The following PID1 variants were observed in gnomAD, a reference collection of about 807,000 sequenced individuals.
PID1 encodes the protein PTB-containing, cubilin and LRP1-interacting protein.
In PID1, 10 loss-of-function variants were observed where a neutral mutation model predicts 19.1. The ratio of observed to expected loss-of-function variants is 0.52; its 90% confidence interval spans 0.32 to 0.89. The LOEUF (loss-of-function observed/expected upper bound fraction) is 0.89, where lower values mean the gene tolerates loss of function less well. Among genes scored for constraint, PID1 ranks in the 40% least tolerant of loss-of-function variants. The pLI, the probability that PID1 is intolerant of heterozygous loss-of-function variation, is 0.03. For missense variants in PID1, 248 were observed against 285.3 expected (o/e 0.87, Z 0.94); for synonymous variants, 130 against 116.0 (o/e 1.12, Z -0.78).
intron 2 of PID1, among the ~76,000 whole-genome samples, chr2:229,104,806 T>C (rs540701973): frequency 1.3e-4 from 20 of 152,288 alleles, no homozygotes; most frequent in African/African-American, 4.3e-4. Context: ...AAGGATGGAA[T>C]GAAAAGAAAT....
At chr2:229,093,981 A>G (rs1694925987) in intron 2 of PID1, among the ~76,000 whole-genome samples, 1 of 152,190 alleles carries the variant, frequency 6.6e-6, no homozygotes, top group African/African-American at 2.4e-5. Context: ...GAAAGAAATA[A>G]AAGGCATCAA....
intron 2 of PID1, among the ~76,000 whole-genome samples, chr2:229,138,227 C>T (rs1689895736): frequency 6.6e-6 from 1 of 152,160 alleles, no homozygotes; most frequent in African/African-American, 2.4e-5. Context: ...AAGAAAACAG[C>T]AGTGATACTC....
At chr2:229,224,030 G>C (rs1473436752) in intron 1 of PID1, among the ~76,000 whole-genome samples, 3 of 152,042 alleles carry the variant, frequency 2.0e-5, no homozygotes, top group African/African-American at 7.2e-5. Flanking sequence ...GATAACATGT[G>C]GTATTTGATT....
At position 229,196,836 on chromosome 2, in the gene PID1, T is replaced by C. The variant is rs188343914; in HGVS notation, c.31-40872A>G. Reference sequence around the variant, plus strand: ...TTTTGTAAGGATTAGAAAGAACGTATGTTACATGCATTTCCTAGGGCAGAC... The same window carrying C: ...TTTTGTAAGGATTAGAAAGAACGTACGTTACATGCATTTCCTAGGGCAGAC... On this transcript the variant is annotated intron_variant, in intron 1 of 2. Coordinates refer to ENST00000392055, the MANE Select transcript of PID1 (RefSeq NM_001100818.2). 4.6e-5 allele frequency among the ~76,000 whole-genome samples: 7 copies of C among 152,246 alleles called. No individual in the cohort carries two copies. In the East Asian group the frequency reaches 1.2e-3, roughly 25 times the overall value.
intron 1 of PID1, among the ~76,000 whole-genome samples, chr2:229,158,326 C>T (rs752387851): frequency 3.3e-5 from 5 of 152,114 alleles, no homozygotes; most frequent in Non-Finnish European, 7.4e-5. Flanking sequence ...GTTGTGTAGC[C>T]AGTTTGCACA....
intron 2 of PID1, among the ~76,000 whole-genome samples, chr2:229,027,084 G>C (rs1693439505): frequency 6.6e-6 from 1 of 152,142 alleles, no homozygotes; most frequent in Non-Finnish European, 1.5e-5. Context: ...AATGCGAGGA[G>C]AGAAAGACCA....
rs188208252 is a variant in PID1, at chr2:229,258,443, G to A, written c.30+12571C>T. ...TTCTGGGTTAGAATTTTTATTTCCA[G>A]TAAAAAGGAAATGAAAAATTCTCAG... On this transcript the variant is annotated intron_variant, in intron 1 of 2. Coordinates refer to ENST00000392055, the MANE Select transcript of PID1 (RefSeq NM_001100818.2). Among the ~76,000 whole-genome samples the A allele has an allele frequency of 9.5e-4, 145 of 152,272 alleles. 4 individuals carry two copies. The highest frequency in any genetic ancestry group is 9.3e-3 in the Admixed American group (142 of 15,286).
At chr2:229,178,038 C>G (rs1192687115) in intron 1 of PID1, among the ~76,000 whole-genome samples, 2 of 152,142 alleles carry the variant, frequency 1.3e-5, no homozygotes, top group African/African-American at 4.8e-5. Context: ...CAGCAGCTTA[C>G]AGGCCCAAGT....
chr2:229,270,672 G>T (rs905375869), intron 1 of PID1, among the ~76,000 whole-genome samples: 2 of 142,904 alleles, frequency 1.4e-5, no homozygotes, highest in African/African-American at 2.6e-5. Context: ...AAAAAAATCT[G>T]GCTTCAAAAA....
intron 2 of PID1, among the ~76,000 whole-genome samples, chr2:229,108,670 T>C (rs186337585): frequency 2.6e-5 from 4 of 152,236 alleles, no homozygotes; most frequent in Non-Finnish European, 5.9e-5. Context: ...TGTGAAAGAA[T>C]CTGGGACTCT....
chr2:229,048,158 G>T (rs1574583736), intron 2 of PID1, among the ~76,000 whole-genome samples: 1 of 152,152 alleles, frequency 6.6e-6, no homozygotes, highest in Admixed American at 6.6e-5. Flanking sequence ...CAACAGCATG[G>T]TATAGGATCT....
At chr2:229,171,791 C>T (rs78715650) in intron 1 of PID1, among the ~76,000 whole-genome samples, 79 of 152,310 alleles carry the variant, frequency 5.2e-4, no homozygotes, top group African/African-American at 1.9e-3. Flanking sequence ...CTAAGCCATA[C>T]TGTTCACATC....
chr2:229,079,578 T>C (rs1437580269), intron 2 of PID1, among the ~76,000 whole-genome samples: 1 of 152,194 alleles, frequency 6.6e-6, no homozygotes, highest in Non-Finnish European at 1.5e-5. Flanking sequence ...CACTATTAAG[T>C]GTCTATGGCA....
intron 1 of PID1, among the ~76,000 whole-genome samples, chr2:229,267,473 A>G (rs1371729039): frequency 2.6e-5 from 4 of 152,212 alleles, no homozygotes; most frequent in Non-Finnish European, 5.9e-5. Context: ...GGTTACATGT[A>G]AACTTCACAA....
At chr2:229,100,617 T>C (rs577524650) in intron 2 of PID1, among the ~76,000 whole-genome samples, 1 of 152,198 alleles carries the variant, frequency 6.6e-6, no homozygotes, top group African/African-American at 2.4e-5. Context: ...ACTACTTCAA[T>C]AGAATATAGA....
chr2:229,230,563 A>G (rs1692183717), intron 1 of PID1, among the ~76,000 whole-genome samples: 1 of 152,168 alleles, frequency 6.6e-6, no homozygotes, highest in Non-Finnish European at 1.5e-5. Context: ...CTGCTTTGTC[A>G]GCTATAGGAT....
intron 1 of PID1, among the ~76,000 whole-genome samples, chr2:229,255,664 A>C (rs1040720740): frequency 9.2e-5 from 14 of 152,226 alleles, no homozygotes; most frequent in Non-Finnish European, 1.6e-4. Flanking sequence ...ATCCAATATC[A>C]TAACAATGAG....
intron 1 of PID1, among the ~76,000 whole-genome samples, chr2:229,212,849 C>A (rs2106250898): frequency 6.6e-6 from 1 of 152,218 alleles, no homozygotes; most frequent in South Asian, 2.1e-4. Context: ...CTCCCACCCC[C>A]AGATTCCAGC....
chr2:229,182,278 G>C (rs1414042779), intron 1 of PID1, among the ~76,000 whole-genome samples: 1 of 152,134 alleles, frequency 6.6e-6, no homozygotes, highest in Non-Finnish European at 1.5e-5. Flanking sequence ...TCTGGTGAGA[G>C]ACATTGATCA....
Sources: gnomAD v4.1 joint callset for allele counts (sites outside exome capture counted in the v4.1 genomes callset) on GRCh38, gnomAD v4.1.1 for gene constraint, MANE v1.5 for transcripts, NCBI Gene and HGNC (gene_info 2026-07-23, HGNC 2026-07-21) for gene names.